Variants in AKAP13 observed in about 807,000 individuals in gnomAD.
AKAP13 encodes A-kinase anchor protein 13.
AKAP13 carries 80 observed loss-of-function variants against 264.5 expected under a neutral mutation model. That is an observed-to-expected ratio of 0.30 (90% CI 0.25 to 0.36). The LOEUF (loss-of-function observed/expected upper bound fraction) is 0.36, where lower values mean the gene tolerates loss of function less well. AKAP13 is among the 10% of genes least tolerant of loss of function. The pLI is 1.00. For synonymous variants in AKAP13, 1,380 were observed against 1,250.2 expected (o/e 1.10, Z -2.19); for missense variants, 3,712 against 3,435.2 (o/e 1.08, Z -2.01).
intron 1 of AKAP13, among the ~76,000 whole-genome samples, chr15:85,405,262 C>T (rs905775618): frequency 2.6e-5 from 4 of 152,132 alleles, no homozygotes; most frequent in Non-Finnish European, 5.9e-5. Context: ...TGGTGTTAGT[C>T]TTTCCCCTTT....
At chr15:85,458,230 G>A (rs965774514) in intron 1 of AKAP13, among the ~76,000 whole-genome samples, 54 of 151,024 alleles carry the variant, frequency 3.6e-4, no homozygotes, top group Admixed American at 5.9e-4. Context: ...ATACATGTTT[G>A]TTACGGAAAT....
intron 10 of AKAP13, among the ~76,000 whole-genome samples, chr15:85,648,302 G>A (rs1217375078): frequency 6.6e-6 from 1 of 152,206 alleles, no homozygotes; most frequent in East Asian, 1.9e-4. Context: ...AAAAATGGAA[G>A]TGTCTTTGTT....
At chr15:85,391,133 A>G (rs1010391777) in intron 1 of AKAP13, among the ~76,000 whole-genome samples, 3 of 152,220 alleles carry the variant, frequency 2.0e-5, no homozygotes, top group Non-Finnish European at 4.4e-5. Flanking sequence ...ACCACTATGT[A>G]TAGTAACTAA....
chr15:85,568,082 C>T (rs1044575908), intron 5 of AKAP13, among the ~76,000 whole-genome samples: 1 of 151,674 alleles, frequency 6.6e-6, no homozygotes, highest in Non-Finnish European at 1.5e-5. Context: ...AGGCAGATTC[C>T]TTAAGTCCAG....
At chr15:85,596,752 G>A (rs947528987) in intron 8 of AKAP13, among the ~76,000 whole-genome samples, 1 of 152,188 alleles carries the variant, frequency 6.6e-6, no homozygotes, top group East Asian at 1.9e-4. Flanking sequence ...GGGGTAAATT[G>A]TATAGCTTCA....
At chr15:85,720,027 G>A (rs2087184375) in intron 23 of AKAP13, among the ~76,000 whole-genome samples, 1 of 152,046 alleles carries the variant, frequency 6.6e-6, no homozygotes, top group Non-Finnish European at 1.5e-5. Flanking sequence ...GAAGCCAGGT[G>A]TTCAAGACTA....
intron 1 of AKAP13, among the ~76,000 whole-genome samples, chr15:85,429,967 TTAG>T (rs1334890831): frequency 6.6e-6 from 1 of 152,248 alleles, no homozygotes; most frequent in African/African-American, 2.4e-5. Flanking sequence ...CCATGTTTAG[TTAG>T]TAGATCTGTG....
intron 1 of AKAP13, among the ~76,000 whole-genome samples, chr15:85,393,941 T>C (rs1218948786): frequency 6.6e-6 from 1 of 152,236 alleles, no homozygotes; most frequent in Non-Finnish European, 1.5e-5. Flanking sequence ...AAAAACATGC[T>C]AGGCTTCCAT....
chr15:85,700,648 T>C (rs1294957114), intron 17 of AKAP13, among the ~76,000 whole-genome samples: 3 of 152,244 alleles, frequency 2.0e-5, no homozygotes, highest in Non-Finnish European at 2.9e-5. Context: ...TCCACAGATT[T>C]CTGAATTTGT....
chr15:85,521,722 C>G (rs1296519168), intron 3 of AKAP13, 147 bp downstream of exon 3: 12 of 892,304 alleles, frequency 1.3e-5, no homozygotes. Flanking sequence ...AATATCTGGT[C>G]CTGCTGGTAT....
intron 8 of AKAP13, among the ~76,000 whole-genome samples, chr15:85,597,880 G>T (rs906713604): frequency 2.6e-5 from 4 of 152,044 alleles, no homozygotes; most frequent in Admixed American, 2.6e-4. Flanking sequence ...TGTAATTCCA[G>T]CGTTTTCTGA....
intron 1 of AKAP13, among the ~76,000 whole-genome samples, chr15:85,387,048 G>A (rs180819047): frequency 1.3e-5 from 2 of 151,746 alleles, no homozygotes; most frequent in African/African-American, 4.8e-5. Context: ...TTTAAGATGA[G>A]GTCTCAGCCG....
At chr15:85,682,066 C>T in intron 14 of AKAP13, 92 bp from the exon 15 acceptor site, 1 of 1,226,934 alleles carries the variant, frequency 8.2e-7, no homozygotes, top group Non-Finnish European at 1.2e-6. Context: ...GCTGTTTTTG[C>T]TTTAGCTGTG....
chr15:85,645,443 A>G (rs1176715475), intron 9 of AKAP13, among the ~76,000 whole-genome samples: 1 of 152,204 alleles, frequency 6.6e-6, no homozygotes, highest in Non-Finnish European at 1.5e-5. Flanking sequence ...AAGACTTTGG[A>G]TTTTGAAGAC....
chr15:85,696,390 C>T lies in AKAP13; in HGVS notation c.5464+2939C>T, dbSNP rs549215372. On this transcript the variant is annotated intron_variant, in intron 17 of 36. Coordinates refer to ENST00000394518, the MANE Select transcript of AKAP13 (RefSeq NM_007200.5). The stretch of plus-strand genomic sequence containing the variant: ...CTCCCTTAAGAAACCTCTAGTGTCA[C>T]ATATAAAGTGAGGCTGCCTAACATA... Among the ~76,000 whole-genome samples the T allele has an allele frequency of 3.9e-5, 6 of 152,324 alleles. No individual in the cohort carries two copies. The East Asian group carries it at 9.6e-4, about 24-fold the overall frequency.
intron 1 of AKAP13, among the ~76,000 whole-genome samples, chr15:85,469,700 G>A (rs943731486): frequency 5.3e-5 from 8 of 152,188 alleles, no homozygotes; most frequent in African/African-American, 1.9e-4. Context: ...GAACACATTA[G>A]ACCCCTGAAC....
chr15:85,548,806 G>T (rs2077848702), intron 5 of AKAP13, among the ~76,000 whole-genome samples: 2 of 151,704 alleles, frequency 1.3e-5, no homozygotes, highest in South Asian at 4.2e-4. Context: ...TTGGAGAATT[G>T]TAGTTAGACT....
intron 1 of AKAP13, among the ~76,000 whole-genome samples, chr15:85,386,240 T>G (rs1054491962): frequency 6.6e-6 from 1 of 152,210 alleles, no homozygotes; most frequent in East Asian, 1.9e-4. Flanking sequence ...TATAATAGTT[T>G]AGAAATCTTT....
intron 8 of AKAP13, among the ~76,000 whole-genome samples, chr15:85,618,785 C>A (rs1479684126): frequency 1.3e-5 from 2 of 152,182 alleles, no homozygotes; most frequent in Non-Finnish European, 1.5e-5. Flanking sequence ...CTCCTTTGTT[C>A]CACTCCTTTT....
Sources: gnomAD v4.1 joint callset for allele counts (sites outside exome capture counted in the v4.1 genomes callset) on GRCh38, gnomAD v4.1.1 for gene constraint, MANE v1.5 for transcripts, NCBI Gene and HGNC (gene_info 2026-07-23, HGNC 2026-07-21) for gene names.